The following AMMECR1 variants were observed in gnomAD, a reference collection of about 807,000 sequenced individuals.
The protein encoded by AMMECR1 is AMMECR nuclear protein 1.
AMMECR1 carries 3 observed loss-of-function variants against 22.5 expected under a neutral mutation model. That is an observed-to-expected ratio of 0.13 (90% CI 0.06 to 0.35). The LOEUF (loss-of-function observed/expected upper bound fraction) is 0.35, where lower values mean the gene tolerates loss of function less well. AMMECR1 is among the 10% of genes least tolerant of loss of function. The probability of loss-of-function intolerance (pLI) is 1.00; values close to 1 mark genes in which losing one functional copy is unlikely to be tolerated. For synonymous variants in AMMECR1, 130 were observed against 116.7 expected, an observed-to-expected ratio of 1.11 and a Z score of -0.74; for missense variants, 235 against 278.7, an observed-to-expected ratio of 0.84 and a Z score of 1.12.
At chrX:110,329,663 G>T (rs919014827) in intron 2 of AMMECR1, among the ~76,000 whole-genome samples, 17 of 111,692 alleles carry the variant, frequency 1.5e-4, no homozygotes, top group Non-Finnish European at 3.0e-4. Flanking sequence ...GTGAGAATAA[G>T]TGTAAGAAAA....
At chrX:110,404,407 T>C (rs758696165) in intron 2 of AMMECR1, among the ~76,000 whole-genome samples, 6 of 111,785 alleles carry the variant, frequency 5.4e-5, no homozygotes, top group African/African-American at 2.0e-4. Flanking sequence ...TCCGATCAGT[T>C]TCATTTGGCT....
At chrX:110,273,724 T>C (rs1323486505) in intron 1 of AMMECR1, among the ~76,000 whole-genome samples, 2 of 111,918 alleles carry the variant, frequency 1.8e-5, no homozygotes, top group Non-Finnish European at 3.8e-5. Flanking sequence ...GCACCATTTA[T>C]TGAATAGGGA....
At chrX:110,272,204 A>C (rs970174987) in intron 1 of AMMECR1, among the ~76,000 whole-genome samples, 2 of 110,859 alleles carry the variant, frequency 1.8e-5, no homozygotes, top group Non-Finnish European at 3.8e-5. Context: ...CAGCAGAGCA[A>C]GACTCCATCT....
At chrX:110,275,248 A>T in intron 1 of AMMECR1, among the ~76,000 whole-genome samples, 1 of 111,625 alleles carries the variant, frequency 9.0e-6, no homozygotes, top group Non-Finnish European at 1.9e-5. Context: ...AATTTCTTGT[A>T]GTTAAGGTTT....
At chrX:110,202,654 G>A (rs943643467) in intron 3 of AMMECR1, 118 bp from the exon 4 acceptor site, 15 of 468,576 alleles carry the variant, frequency 3.2e-5, no homozygotes, top group African/African-American at 7.4e-5. Flanking sequence ...TTAGAAGGAC[G>A]TATAAGTTTT....
At chrX:110,320,707 G>A (rs1456968172), upstream of AMMECR1, among the ~76,000 whole-genome samples, 1 of 112,173 alleles carries the variant, frequency 8.9e-6, no homozygotes, top group Non-Finnish European at 1.9e-5. Flanking sequence ...CCAAAGACAA[G>A]GACACCCCAG....
chrX:110,403,197 C>G, intron 2 of AMMECR1, among the ~76,000 whole-genome samples: 1 of 112,020 alleles, frequency 8.9e-6, no homozygotes, highest in Non-Finnish European at 1.9e-5. Flanking sequence ...GTGACACCCC[C>G]CAGCCCCAGG....
intron 2 of AMMECR1, among the ~76,000 whole-genome samples, chrX:110,420,860 C>T (rs1053353970): frequency 2.7e-5 from 3 of 111,228 alleles, no homozygotes; most frequent in Non-Finnish European, 3.8e-5. Flanking sequence ...GGCAGGTTTC[C>T]GATCCTCAGC....
intron 1 of AMMECR1, among the ~76,000 whole-genome samples, chrX:110,434,439 T>C (rs2068820968): frequency 9.0e-6 from 1 of 110,791 alleles, no homozygotes; most frequent in Admixed American, 9.5e-5. Context: ...GGGCAAGAAG[T>C]GGAACAGGCT....
chrX:110,324,642 TTGAG>T (rs200987789), intron 2 of AMMECR1, among the ~76,000 whole-genome samples: 2,117 of 108,500 alleles, frequency 0.02, 22 homozygotes, highest in South Asian at 0.034. Flanking sequence ...TGGTAGTTTG[TTGAG>T]TGTTTTTTTT....
intron 2 of AMMECR1, among the ~76,000 whole-genome samples, chrX:110,365,451 C>G (rs2068291039): frequency 8.9e-6 from 1 of 112,186 alleles, no homozygotes; most frequent in Admixed American, 9.5e-5. Flanking sequence ...TGCTTTAGTT[C>G]ATGTGACAAT....
chrX:110,336,549 CAAA>C (rs747202737), intron 2 of AMMECR1, among the ~76,000 whole-genome samples: 1 of 109,109 alleles, frequency 9.2e-6, no homozygotes, highest in African/African-American at 3.4e-5. Flanking sequence ...CAAAACAAAA[CAAA>C]AAAACAAAAA....
At chrX:110,401,029 C>A (rs1368389701) in intron 2 of AMMECR1, among the ~76,000 whole-genome samples, 1 of 112,272 alleles carries the variant, frequency 8.9e-6, no homozygotes, top group Non-Finnish European at 1.9e-5. Context: ...TTGTGCTGAA[C>A]CATTTACACA....
At chrX:110,318,347 C>G (rs2068064649), upstream of AMMECR1, 1 of 111,889 alleles carries the variant, frequency 8.9e-6, no homozygotes, top group African/African-American at 3.3e-5. Flanking sequence ...GCCCCAATCT[C>G]AATCTCTCCG....
At chrX:110,311,009 C>A (rs911207794) in intron 1 of AMMECR1, among the ~76,000 whole-genome samples, 2 of 112,020 alleles carry the variant, frequency 1.8e-5, no homozygotes, top group Non-Finnish European at 3.8e-5. Flanking sequence ...GGATTCTCAA[C>A]ACAAAGGCCA....
At chrX:110,360,894 G>A (rs1354490973) in intron 2 of AMMECR1, among the ~76,000 whole-genome samples, 1 of 111,654 alleles carries the variant, frequency 9.0e-6, no homozygotes, top group Non-Finnish European at 1.9e-5. Context: ...GACTTCTGGA[G>A]TTGAAAGGTA....
chrX:110,202,015 A>G (rs2067399481), intron 4 of AMMECR1, among the ~76,000 whole-genome samples: 2 of 111,844 alleles, frequency 1.8e-5, no homozygotes, highest in Non-Finnish European at 3.8e-5. Flanking sequence ...GGAAACCTAG[A>G]ATCTTAGTAT....
intron 3 of AMMECR1, among the ~76,000 whole-genome samples, chrX:110,215,793 T>C (rs2067470747): frequency 9.0e-6 from 1 of 111,700 alleles, no homozygotes; most frequent in Non-Finnish European, 1.9e-5. Flanking sequence ...AATATGGGCA[T>C]GCTTGTGTGT....
chrX:110,327,963 A>G (rs1055945491), intron 2 of AMMECR1, among the ~76,000 whole-genome samples: 8 of 112,160 alleles, frequency 7.1e-5, no homozygotes, highest in African/African-American at 2.3e-4. Context: ...GGAAATGATG[A>G]ACACAGAGAG....
Sources: gnomAD v4.1 joint callset for allele counts (sites outside exome capture counted in the v4.1 genomes callset) on GRCh38, gnomAD v4.1.1 for gene constraint, MANE v1.5 for transcripts, NCBI Gene and HGNC (gene_info 2026-07-23, HGNC 2026-07-21) for gene names.